Variants in TBC1D30 observed in about 807,000 individuals in gnomAD.
The protein encoded by TBC1D30 is TBC1 domain family member 30.
Under a neutral mutation model 63.2 loss-of-function variants are expected in TBC1D30, and 31 were observed. The ratio of observed to expected loss-of-function variants is 0.49; its 90% confidence interval spans 0.37 to 0.66. The LOEUF (loss-of-function observed/expected upper bound fraction) is 0.66, where lower values mean the gene tolerates loss of function less well. TBC1D30 is among the 30% of genes least tolerant of loss of function. The pLI is 0.00. For synonymous variants in TBC1D30, 307 were observed against 361.5 expected (o/e 0.85, Z 1.71); for missense variants, 810 against 953.6 (o/e 0.85, Z 1.98).
intron 1 of TBC1D30, chr12:64,768,217 A>G (rs1870788182): frequency 6.6e-6 from 1 of 152,192 alleles, no homozygotes; most frequent in African/African-American, 2.4e-5. Context: ...ACAAAATATA[A>G]TAGGGGTTAT....
At chr12:64,775,705 A>G (rs1417761580), upstream of TBC1D30, among the ~76,000 whole-genome samples, 1 of 152,176 alleles carries the variant, frequency 6.6e-6, no homozygotes, top group Non-Finnish European at 1.5e-5. Flanking sequence ...CCTGCTGACA[A>G]TATTAGACAG....
At chr12:64,784,858 A>G (rs1220227355) in intron 1 of TBC1D30, among the ~76,000 whole-genome samples, 2 of 87,996 alleles carry the variant, frequency 2.3e-5, no homozygotes, top group Non-Finnish European at 2.0e-5. Flanking sequence ...TGGAACTTAA[A>G]GTAAAATAAA....
intron 4 of TBC1D30, 150 bp from the exon 5 acceptor site, chr12:64,831,969 C>G: frequency 1.7e-6 from 1 of 593,200 alleles, no homozygotes; most frequent in Non-Finnish European, 2.6e-6. Flanking sequence ...GCTAAAAATG[C>G]ATTTTGGCTC....
At chr12:64,792,038 G>A (rs1871955827) in intron 2 of TBC1D30, among the ~76,000 whole-genome samples, 1 of 152,036 alleles carries the variant, frequency 6.6e-6, no homozygotes, top group African/African-American at 2.4e-5. Flanking sequence ...AATATTTTGG[G>A]TGTTCCTTTA....
At chr12:64,874,980 A>G (rs909873424) in intron 11 of TBC1D30, 21 bp from the exon 12 acceptor site, 4 of 1,527,142 alleles carry the variant, frequency 2.6e-6, no homozygotes, top group Non-Finnish European at 3.5e-6. Flanking sequence ...ACTTCATACT[A>G]CCTTTCAACA....
chr12:64,786,303 G>A (rs1158886613), intron 2 of TBC1D30, among the ~76,000 whole-genome samples: 2 of 151,918 alleles, frequency 1.3e-5, no homozygotes, highest in Non-Finnish European at 1.5e-5. Flanking sequence ...TTTACCTAAT[G>A]CTGAATGATG....
intron 2 of TBC1D30, among the ~76,000 whole-genome samples, chr12:64,803,369 T>C (rs1278135111): frequency 6.6e-6 from 1 of 152,222 alleles, no homozygotes; most frequent in Non-Finnish European, 1.5e-5. Flanking sequence ...TGTAAATTTG[T>C]TTAAGTTCTT....
intron 2 of TBC1D30, among the ~76,000 whole-genome samples, chr12:64,797,028 C>CAAA (rs552416081): frequency 3.6e-4 from 27 of 75,116 alleles, no homozygotes; most frequent in African/African-American, 9.5e-4. Context: ...TTCTCCTCTG[C>CAAA]AAAAAAAAAA....
chr12:64,771,158 C>CA (rs1366073606), intron 1 of TBC1D30, among the ~76,000 whole-genome samples: 2 of 151,846 alleles, frequency 1.3e-5, no homozygotes, highest in Non-Finnish European at 2.9e-5. Context: ...AGCTGTGGTT[C>CA]AAGTAGCCCT....
intron 1 of TBC1D30, among the ~76,000 whole-genome samples, chr12:64,761,792 C>T (rs953297668): frequency 2.0e-5 from 3 of 152,214 alleles, no homozygotes; most frequent in Non-Finnish European, 4.4e-5. Context: ...TATTCCTCTA[C>T]TTTCTTAATA....
chr12:64,769,503 A>G (rs532880535), intron 1 of TBC1D30, among the ~76,000 whole-genome samples: 2 of 151,490 alleles, frequency 1.3e-5, no homozygotes, highest in East Asian at 1.9e-4. Flanking sequence ...CTGCCTCCCA[A>G]GTAGCTGGGA....
intron 8 of TBC1D30, among the ~76,000 whole-genome samples, chr12:64,853,437 G>A (rs1424310338): frequency 2.6e-5 from 4 of 152,188 alleles, no homozygotes; most frequent in Non-Finnish European, 5.9e-5. Flanking sequence ...CCATGGGGAT[G>A]GGATCCACTG....
chr12:64,800,158 G>A (rs953994443), intron 2 of TBC1D30, among the ~76,000 whole-genome samples: 2 of 152,114 alleles, frequency 1.3e-5, no homozygotes, highest in African/African-American at 4.8e-5. Context: ...TGTGGACAGG[G>A]GTAGGAGGGG....
At chr12:64,825,387 C>A in intron 1 of TBC1D30, 1 of 241,106 alleles carries the variant, frequency 4.1e-6, no homozygotes, top group Non-Finnish European at 8.0e-6. Context: ...GTTCCAGGCT[C>A]GCAGGAAGCC....
intron 7 of TBC1D30, among the ~76,000 whole-genome samples, chr12:64,841,562 A>G (rs548117252): frequency 6.6e-6 from 1 of 152,262 alleles, no homozygotes; most frequent in Admixed American, 6.5e-5. Context: ...CTGGCAGGTG[A>G]GGCCTTTGCT....
chr12:64,858,340 T>C (rs7316858), intron 8 of TBC1D30, among the ~76,000 whole-genome samples: 4,367 of 152,332 alleles, frequency 0.029, 214 homozygotes, highest in African/African-American at 0.099. Flanking sequence ...TCTGCTCTAA[T>C]ACAGAATGAG....
chr12:64,850,503 C>T (rs752640873), intron 8 of TBC1D30, among the ~76,000 whole-genome samples: 11 of 152,118 alleles, frequency 7.2e-5, no homozygotes, highest in African/African-American at 2.4e-4. Flanking sequence ...TGAATTTTGT[C>T]GAAGGCCTTT....
Position 64,860,903 on chromosome 12 carries a change from A to T in TBC1D30, c.1039-3765A>T, listed in dbSNP as rs188919839. On this transcript the variant is annotated intron_variant, in intron 8 of 11. Transcript: ENST00000539867. ...CACACTGCTTCCACCTATTCAAAAG[A>T]TGTCTTTCTAAAAGCTGAAATCATC... Among the ~76,000 whole-genome samples the T allele has an allele frequency of 1.4e-3, 212 of 152,338 alleles. 1 individual carries two copies. The highest frequency in any genetic ancestry group is 4.0e-3 in the Admixed American group (61 of 15,300).
chr12:64,801,471 C>T (rs1042885802), intron 2 of TBC1D30, among the ~76,000 whole-genome samples: 1 of 152,134 alleles, frequency 6.6e-6, no homozygotes, highest in African/African-American at 2.4e-5. Context: ...TGGGAAGGGG[C>T]ACCAACAGGG....
Sources: gnomAD v4.1 joint callset for allele counts (sites outside exome capture counted in the v4.1 genomes callset) on GRCh38, gnomAD v4.1.1 for gene constraint, MANE v1.5 for transcripts, NCBI Gene and HGNC (gene_info 2026-07-23, HGNC 2026-07-21) for gene names.